GPC5: variants seen among roughly 807,000 people sequenced by gnomAD.
GPC5 encodes glypican-5.
GPC5 carries 47 observed loss-of-function variants against 53.9 expected under a neutral mutation model. The ratio of observed to expected loss-of-function variants is 0.87; its 90% confidence interval spans 0.69 to 1.11. The LOEUF is 1.11. Ranked by LOEUF, GPC5 falls within the 50% of genes most tolerant of loss-of-function variation. The pLI is 0.00. For missense variants in GPC5, 748 were observed against 713.1 expected, an observed-to-expected ratio of 1.05 and a Z score of -0.56; for synonymous variants, 286 against 263.3, an observed-to-expected ratio of 1.09 and a Z score of -0.84.
chr13:91,494,355 AATT>A (rs201308478), intron 2 of GPC5, among the ~76,000 whole-genome samples: 3,235 of 143,200 alleles, frequency 0.023, 126 homozygotes, highest in African/African-American at 0.081. Flanking sequence ...TATTTTTATT[AATT>A]ATTATTATTA....
Position 91,951,448 on chromosome 13 carries a change from C to A in GPC5, c.1401+43391C>A, listed in dbSNP as rs141421315. Among the ~76,000 whole-genome samples the A allele has an allele frequency of 8.8e-3, 1,344 of 152,218 alleles. 25 individuals are homozygous for A. Among genetic ancestry groups the A allele is most frequent in the African/African-American group, 0.031 (1,288 of 41,548 alleles). Reference sequence around the variant, plus strand: ...GATTGTGAATTCTAAATGGAAAATGCAAACAAGTCTTCAGTGTTAAAGTAC... The same window carrying A: ...GATTGTGAATTCTAAATGGAAAATGAAAACAAGTCTTCAGTGTTAAAGTAC... On this transcript the variant is annotated intron_variant, in intron 6 of 7. Coordinates refer to ENST00000377067, the MANE Select transcript of GPC5 (RefSeq NM_004466.6).
chr13:92,577,807 G>T (rs1883237518), intron 7 of GPC5, among the ~76,000 whole-genome samples: 1 of 151,938 alleles, frequency 6.6e-6, no homozygotes, highest in Admixed American at 6.6e-5. Context: ...AAGAAACAGA[G>T]ACTATGCAAG....
At chr13:91,558,328 G>A (rs1307555940) in intron 2 of GPC5, among the ~76,000 whole-genome samples, 11 of 152,006 alleles carry the variant, frequency 7.2e-5, no homozygotes, top group Non-Finnish European at 1.3e-4. Flanking sequence ...AAGATAGGAA[G>A]TGACATTTTA....
intron 2 of GPC5, among the ~76,000 whole-genome samples, chr13:91,595,147 A>G (rs1044008304): frequency 6.6e-6 from 1 of 151,736 alleles, no homozygotes; most frequent in African/African-American, 2.4e-5. Context: ...CCTCCCGAGT[A>G]GCTGGGACTA....
At chr13:92,760,273 G>C (rs1362903726) in intron 7 of GPC5, among the ~76,000 whole-genome samples, 1 of 152,036 alleles carries the variant, frequency 6.6e-6, no homozygotes, top group Non-Finnish European at 1.5e-5. Flanking sequence ...CTTTTCCTTT[G>C]AAAGGTTGGT....
chr13:91,714,451 A>G (rs543092877), intron 3 of GPC5, among the ~76,000 whole-genome samples: 14 of 152,322 alleles, frequency 9.2e-5, no homozygotes, highest in African/African-American at 3.4e-4. Context: ...AAAGATTTTG[A>G]TGTCGTATTA....
At chr13:91,820,689 C>T (rs367870223) in intron 5 of GPC5, among the ~76,000 whole-genome samples, 2 of 152,110 alleles carry the variant, frequency 1.3e-5, no homozygotes, top group African/African-American at 2.4e-5. Context: ...CAGGGCCGGG[C>T]GCGGTGGCTC....
chr13:92,589,212 T>G (rs1419762687), intron 7 of GPC5, among the ~76,000 whole-genome samples: 1 of 152,176 alleles, frequency 6.6e-6, no homozygotes, highest in Non-Finnish European at 1.5e-5. Context: ...ACTAGAAAGA[T>G]TTCCATCTAC....
rs34998822 is a variant in GPC5, at chr13:92,268,116, TA to T, written c.1561+123137del. Reference sequence around the variant, plus strand: ...GATAAGGCACCTTAATTTCAGGACTTAAAAAAAAAATCGCAAATGATTCTTA... The same window carrying T: ...GATAAGGCACCTTAATTTCAGGACTTAAAAAAAAATCGCAAATGATTCTTA... On this transcript the variant is annotated intron_variant, in intron 7 of 7. Transcript: ENST00000377067. Among the ~76,000 whole-genome samples the T allele has an allele frequency of 1.3e-3, 201 of 150,556 alleles. 1 individual carries two copies. The East Asian group carries it at 0.017, about 13-fold the overall frequency.
chr13:91,540,982 A>C (rs1193374061), intron 2 of GPC5, among the ~76,000 whole-genome samples: 3 of 152,292 alleles, frequency 2.0e-5, no homozygotes, highest in South Asian at 4.1e-4. Flanking sequence ...GTGAACGATG[A>C]GTGAAGGTTC....
intron 6 of GPC5, among the ~76,000 whole-genome samples, chr13:91,929,526 G>A (rs1234567158): frequency 1.3e-5 from 2 of 152,016 alleles, no homozygotes; most frequent in Non-Finnish European, 2.9e-5. Flanking sequence ...ACTCTTTCAT[G>A]TTTCATTGCC....
At chr13:91,620,994 G>C (rs959497637) in intron 2 of GPC5, among the ~76,000 whole-genome samples, 1 of 152,112 alleles carries the variant, frequency 6.6e-6, no homozygotes, top group African/African-American at 2.4e-5. Context: ...TGTGGCTAAA[G>C]GATTAATGCA....
intron 7 of GPC5, among the ~76,000 whole-genome samples, chr13:92,657,583 T>TG (rs1186793195): frequency 7.1e-4 from 64 of 89,534 alleles, no homozygotes; most frequent in African/African-American, 1.9e-3. Context: ...TTTTTGGTTT[T>TG]TTTTTTTTTT....
intron 6 of GPC5, among the ~76,000 whole-genome samples, chr13:92,023,086 AT>A (rs1368340748): frequency 6.6e-6 from 1 of 152,142 alleles, no homozygotes; most frequent in African/African-American, 2.4e-5. Flanking sequence ...ACCTAACAGC[AT>A]CTCAGAAATG....
At chr13:92,787,408 A>T (rs1199259424) in intron 7 of GPC5, among the ~76,000 whole-genome samples, 1 of 152,106 alleles carries the variant, frequency 6.6e-6, no homozygotes, top group Non-Finnish European at 1.5e-5. Context: ...GAAAACCAGG[A>T]CATTTTTAAA....
intron 7 of GPC5, among the ~76,000 whole-genome samples, chr13:92,482,416 C>T (rs1341958799): frequency 6.6e-6 from 1 of 152,124 alleles, no homozygotes. Flanking sequence ...AAAAAATTAA[C>T]TTGTCCATTC....
At chr13:92,481,761 A>G (rs771270363) in intron 7 of GPC5, among the ~76,000 whole-genome samples, 6 of 152,046 alleles carry the variant, frequency 3.9e-5, no homozygotes, top group Non-Finnish European at 8.8e-5. Context: ...ATCAAATTCT[A>G]TTGGGAGAGA....
intron 3 of GPC5, among the ~76,000 whole-genome samples, chr13:91,710,149 G>T (rs779985481): frequency 3.3e-5 from 5 of 152,098 alleles, no homozygotes; most frequent in Non-Finnish European, 7.4e-5. Flanking sequence ...ACTAGACTTT[G>T]TCATTTGTTT....
At chr13:92,417,501 A>C (rs1467391803) in intron 7 of GPC5, among the ~76,000 whole-genome samples, 2 of 152,216 alleles carry the variant, frequency 1.3e-5, no homozygotes, top group South Asian at 2.1e-4. Flanking sequence ...TATATGCCTC[A>C]AAAATTAAAC....
Sources: allele counts gnomAD v4.1 joint callset (sites outside exome capture counted in the v4.1 genomes callset), GRCh38; gene constraint gnomAD v4.1.1; transcripts MANE v1.5; gene names NCBI Gene and HGNC (gene_info 2026-07-23, HGNC 2026-07-21).